LRRC37A: variants seen among roughly 807,000 people sequenced by gnomAD.
The protein encoded by LRRC37A is leucine-rich repeat-containing protein 37A.
LRRC37A carries 3 observed loss-of-function variants against 35.4 expected under a neutral mutation model. The ratio of observed to expected loss-of-function variants is 0.08; its 90% CI spans 0.04 to 0.22. LRRC37A has a LOEUF of 0.22. Among genes scored for constraint, LRRC37A ranks in the 10% least tolerant of loss-of-function variants. The pLI is 1.00. For synonymous variants in LRRC37A, 23 were observed against 215.0 expected, an observed-to-expected ratio of 0.11 and a Z score of 7.81; for missense variants, 67 against 565.3, an observed-to-expected ratio of 0.12 and a Z score of 8.94.
At chr17:46,249,955 C>T in the LRRC37A span, among the ~76,000 whole-genome samples, 232 of 152,318 alleles carry the variant, frequency 1.5e-3, no homozygotes, top group African/African-American at 5.5e-3. Flanking sequence ...CAGGAGCCTG[C>T]CACCATGCCC....
At chr17:46,327,154 T>C (rs375451679) in intron 7 of LRRC37A, among the ~76,000 whole-genome samples, 1 of 85,636 alleles carries the variant, frequency 1.2e-5, no homozygotes, top group African/African-American at 3.1e-5. Context: ...TTCCTCATGA[T>C]GAAATTCAAG....
chr17:46,253,314 A>C, the LRRC37A span, among the ~76,000 whole-genome samples: 3 of 143,104 alleles, frequency 2.1e-5, no homozygotes, highest in Admixed American at 2.1e-4. Context: ...CTGGGCAGCC[A>C]GGCAGAGACG....
At chr17:46,283,003 C>T in the LRRC37A span, among the ~76,000 whole-genome samples, 1 of 152,098 alleles carries the variant, frequency 6.6e-6, no homozygotes, top group Admixed American at 6.5e-5. Context: ...CCTGTAGTCC[C>T]AACTACGCGG....
the LRRC37A span, among the ~76,000 whole-genome samples, chr17:46,279,328 T>C: frequency 0.12 from 17,269 of 149,716 alleles, no homozygotes; most frequent in Non-Finnish European, 0.17. Flanking sequence ...GGATTACAGG[T>C]GCCTACCACA....
At chr17:46,273,736 T>C in the LRRC37A span, among the ~76,000 whole-genome samples, 1 of 152,210 alleles carries the variant, frequency 6.6e-6, no homozygotes, top group Admixed American at 6.5e-5. Context: ...AGGAAGAACA[T>C]GCAAAATACA....
chr17:46,273,809 CA>C, the LRRC37A span, among the ~76,000 whole-genome samples: 2 of 152,180 alleles, frequency 1.3e-5, no homozygotes, highest in South Asian at 4.1e-4. Flanking sequence ...ACAAACAAAC[CA>C]ACAAGCAAAA....
chr17:46,276,376 G>A, the LRRC37A span, among the ~76,000 whole-genome samples: 9 of 152,126 alleles, frequency 5.9e-5, no homozygotes, highest in South Asian at 4.1e-4. Flanking sequence ...ACTATACATC[G>A]TTAACATTAA....
chr17:46,254,031 C>T, the LRRC37A span, among the ~76,000 whole-genome samples: 1,686 of 151,602 alleles, frequency 0.011, 4 homozygotes, highest in South Asian at 0.034. Flanking sequence ...AGGTGAAGGT[C>T]GCACCCTGAG....
chr17:46,267,614 T>G, the LRRC37A span: 4 of 1,517,248 alleles, frequency 2.6e-6, no homozygotes, highest in South Asian at 4.5e-5. Flanking sequence ...TCCAGTCTTT[T>G]TTTGGGACGG....
upstream of LRRC37A, chr17:46,292,945 C>CTTTTT (rs57946759): frequency 1.2e-4 from 1 of 8,642 alleles, no homozygotes; most frequent in African/African-American, 1.7e-4. Flanking sequence ...CCATTTTTAT[C>CTTTTT]TTTTTTTTTT....
chr17:46,322,637 ATAT>A (rs2051455861), intron 6 of LRRC37A, among the ~76,000 whole-genome samples: 1 of 22,206 alleles, frequency 4.5e-5, no homozygotes, highest in African/African-American at 6.3e-5. Flanking sequence ...ACATGGAGGA[ATAT>A]TATTTAACCA....
At chr17:46,286,310 G>A in the LRRC37A span, among the ~76,000 whole-genome samples, 1 of 152,206 alleles carries the variant, frequency 6.6e-6, no homozygotes, top group African/African-American at 2.4e-5. Context: ...TAATTTTGGA[G>A]AACCAATTTA....
At chr17:46,288,744 C>A (rs1417214831), upstream of LRRC37A, among the ~76,000 whole-genome samples, 3 of 150,944 alleles carry the variant, frequency 2.0e-5, no homozygotes, top group African/African-American at 7.3e-5. Flanking sequence ...CACTCTGTCA[C>A]CCAGGTTAGA....
chr17:46,281,523 G>A, the LRRC37A span, among the ~76,000 whole-genome samples: 1 of 152,046 alleles, frequency 6.6e-6, no homozygotes, highest in Non-Finnish European at 1.5e-5. Flanking sequence ...TTGAACTCCT[G>A]GGCACAAGTG....
chr17:46,280,041 T>C, the LRRC37A span, among the ~76,000 whole-genome samples: 1 of 152,186 alleles, frequency 6.6e-6, no homozygotes. Context: ...TAATTCTCAT[T>C]GCTTTCCCTG....
upstream of LRRC37A, among the ~76,000 whole-genome samples, chr17:46,292,147 C>T (rs1170478361): frequency 1.6e-5 from 2 of 126,664 alleles, no homozygotes; most frequent in Non-Finnish European, 3.5e-5. Flanking sequence ...GCTTGGCTAA[C>T]ATGGTGAAAC....
chr17:46,250,595 A>G, the LRRC37A span, among the ~76,000 whole-genome samples: 71 of 152,214 alleles, frequency 4.7e-4, no homozygotes, highest in African/African-American at 1.7e-3. Flanking sequence ...CCAACATCGG[A>G]CTCCAAGTTC....
chr17:46,255,547 G>C, the LRRC37A span, among the ~76,000 whole-genome samples: 2 of 151,058 alleles, frequency 1.3e-5, no homozygotes, highest in African/African-American at 4.9e-5. Context: ...TGTATTTTTA[G>C]TAGAGATGGG....
chr17:46,273,727 G>A, the LRRC37A span, among the ~76,000 whole-genome samples: 1 of 152,170 alleles, frequency 6.6e-6, no homozygotes, highest in Non-Finnish European at 1.5e-5. Flanking sequence ...AACATTGAAA[G>A]GAAGAACATG....
Sources: allele counts gnomAD v4.1 joint callset (sites outside exome capture counted in the v4.1 genomes callset), GRCh38; gene constraint gnomAD v4.1.1; transcripts MANE v1.5; gene names NCBI Gene and HGNC (gene_info 2026-07-23, HGNC 2026-07-21).